Variants in NRXN1 observed in about 807,000 individuals in gnomAD.
NRXN1 encodes the protein neurexin-1.
NRXN1 carries 39 observed loss-of-function variants against 150.9 expected under a neutral mutation model. The ratio of observed to expected loss-of-function variants is 0.26; its 90% confidence interval spans 0.20 to 0.34. The LOEUF (loss-of-function observed/expected upper bound fraction) is 0.34. NRXN1 is among the 10% of genes least tolerant of loss of function. NRXN1 has a pLI of 1.00. For missense variants in NRXN1, 1,815 were observed against 1,949.9 expected (o/e 0.93, Z 1.30); for synonymous variants, 924 against 757.0 (o/e 1.22, Z -3.62).
At chr2:50,995,207 A>C (rs2105027030) in intron 2 of NRXN1, among the ~76,000 whole-genome samples, 1 of 152,136 alleles carries the variant, frequency 6.6e-6, no homozygotes, top group African/African-American at 2.4e-5. Context: ...GAGGTCATTA[A>C]GTTACGCCTT....
chr2:50,482,859 G>C (rs777363598), intron 15 of NRXN1, among the ~76,000 whole-genome samples: 1 of 151,726 alleles, frequency 6.6e-6, no homozygotes, highest in African/African-American at 2.4e-5. Flanking sequence ...ACTTTGGGAG[G>C]CTGTGGCGGG....
intron 2 of NRXN1, among the ~76,000 whole-genome samples, chr2:51,025,346 T>A (rs1198154524): frequency 1.3e-5 from 2 of 152,190 alleles, no homozygotes; most frequent in African/African-American, 4.8e-5. Context: ...AGCTATCCAT[T>A]TGCAAAATAA....
intron 18 of NRXN1, among the ~76,000 whole-genome samples, chr2:50,230,173 TG>T (rs1184039809): frequency 6.6e-6 from 1 of 152,018 alleles, no homozygotes; most frequent in Non-Finnish European, 1.5e-5. Context: ...GGACCAACCC[TG>T]AAAACACTCA....
chr2:50,471,568 G>A (rs1477026513), intron 16 of NRXN1, among the ~76,000 whole-genome samples: 1 of 151,770 alleles, frequency 6.6e-6, no homozygotes, highest in Non-Finnish European at 1.5e-5. Flanking sequence ...ATAAATATAT[G>A]TTTGCAGATG....
chr2:50,334,192 A>ATTTTTTATATAT (rs1553457970), intron 17 of NRXN1, among the ~76,000 whole-genome samples: 2 of 118,980 alleles, frequency 1.7e-5, no homozygotes, highest in Non-Finnish European at 3.3e-5. Flanking sequence ...ACCAGGACCA[A>ATTTTTTATATAT]ATATATATAT....
intron 5 of NRXN1, among the ~76,000 whole-genome samples, chr2:50,821,746 G>C (rs145363105): frequency 1.1e-4 from 17 of 152,104 alleles, no homozygotes; most frequent in Non-Finnish European, 2.9e-5. Flanking sequence ...CGTGAAAAAA[G>C]AATTTAAGAA....
At chr2:49,977,979 T>A (rs535730772) in intron 21 of NRXN1, among the ~76,000 whole-genome samples, 1 of 152,034 alleles carries the variant, frequency 6.6e-6, no homozygotes, top group Non-Finnish European at 1.5e-5. Flanking sequence ...CTGGCCAACA[T>A]GGTGAAACCC....
chr2:50,616,160 G>T (rs1296681845), intron 8 of NRXN1: 1 of 151,150 alleles, frequency 6.6e-6, no homozygotes, highest in African/African-American at 2.4e-5. Context: ...TGATTTACTT[G>T]TGATGAAAAT....
At chr2:50,720,211 C>T (rs1226577808) in intron 5 of NRXN1, among the ~76,000 whole-genome samples, 1 of 151,346 alleles carries the variant, frequency 6.6e-6, no homozygotes, top group African/African-American at 2.4e-5. Context: ...TTTTTTTAAC[C>T]ACATCTTGAA....
intron 21 of NRXN1, among the ~76,000 whole-genome samples, chr2:49,998,683 A>G (rs1296863734): frequency 6.6e-6 from 1 of 152,168 alleles, no homozygotes; most frequent in Admixed American, 6.6e-5. Context: ...TAAAAAAAAT[A>G]ATGTCATGGC....
chr2:50,002,070 A>C (rs1400186694), intron 21 of NRXN1, among the ~76,000 whole-genome samples: 1 of 151,940 alleles, frequency 6.6e-6, no homozygotes, highest in Non-Finnish European at 1.5e-5. Context: ...AGCTTGCAAG[A>C]GGGCCCTGAG....
chr2:50,106,897 T>C (rs1701718644), intron 18 of NRXN1, among the ~76,000 whole-genome samples: 1 of 152,036 alleles, frequency 6.6e-6, no homozygotes, highest in African/African-American at 2.4e-5. Flanking sequence ...TTCCAATCTA[T>C]GTTACAAGAG....
chr2:50,360,100 G>A (rs2079083516), intron 17 of NRXN1, among the ~76,000 whole-genome samples: 1 of 152,178 alleles, frequency 6.6e-6, no homozygotes, highest in Non-Finnish European at 1.5e-5. Flanking sequence ...AAGAGCTCCT[G>A]AAGGAAGCAC....
intron 14 of NRXN1, 100 bp from the exon 15 acceptor site, chr2:50,496,195 A>C (rs2091609260): frequency 3.6e-6 from 3 of 840,456 alleles, no homozygotes; most frequent in Non-Finnish European, 3.7e-6. Context: ...AGGTGGTTCC[A>C]TCCTTACTAG....
chr2:50,097,157 A>T (rs1162820857), intron 18 of NRXN1, among the ~76,000 whole-genome samples: 1 of 152,176 alleles, frequency 6.6e-6, no homozygotes, highest in African/African-American at 2.4e-5. Flanking sequence ...AGGAACAGAG[A>T]CCAGTAACAA....
rs114736574 is a variant in NRXN1 at position 50,815,192 on chromosome 2, A to G, written c.832+106677T>C. ...TGTTCCTTCTCATGACAACAAAACT[A>G]CATTTTGAAACCTTCTCATTTAAAG... On this transcript the variant is annotated intron_variant, in intron 5 of 22. Transcript: ENST00000401669. 7.3e-3 allele frequency among the ~76,000 whole-genome samples: 1,108 copies of G among 152,226 alleles called. 14 individuals are homozygous for G. The highest frequency in any genetic ancestry group is 0.026 in the African/African-American group (1,068 of 41,536).
intron 17 of NRXN1, among the ~76,000 whole-genome samples, chr2:50,336,075 G>A (rs2077173681): frequency 6.6e-6 from 1 of 152,140 alleles, no homozygotes; most frequent in African/African-American, 2.4e-5. Context: ...CTTAGGAACT[G>A]CCCAAGGTCA....
intron 21 of NRXN1, among the ~76,000 whole-genome samples, chr2:50,000,863 G>T (rs1683806600): frequency 6.6e-6 from 1 of 152,166 alleles, no homozygotes; most frequent in South Asian, 2.1e-4. Context: ...TGGCTGAGAT[G>T]CGGTGCAGAC....
intron 17 of NRXN1, among the ~76,000 whole-genome samples, chr2:50,357,076 A>T (rs559843774): frequency 2.0e-5 from 3 of 152,100 alleles, no homozygotes; most frequent in Non-Finnish European, 4.4e-5. Context: ...TACCAGTTTG[A>T]GACCAGCTTG....
Sources: gnomAD v4.1 joint callset for allele counts (sites outside exome capture counted in the v4.1 genomes callset) on GRCh38, gnomAD v4.1.1 for gene constraint, MANE v1.5 for transcripts, NCBI Gene and HGNC (gene_info 2026-07-23, HGNC 2026-07-21) for gene names.